SSH1: variants seen among roughly 807,000 people sequenced by gnomAD.
The protein encoded by SSH1 is slingshot protein phosphatase 1.
In SSH1, 43 loss-of-function variants were observed where a neutral mutation model predicts 79.7. The observed-to-expected ratio is 0.54, with a 90% CI of 0.42 to 0.70. SSH1 has a LOEUF of 0.70. Among genes scored for constraint, SSH1 ranks in the 30% least tolerant of loss-of-function variants. SSH1 has a pLI of 0.00. For missense variants in SSH1, 1,206 were observed against 1,358.8 expected (o/e 0.89, Z 1.77); for synonymous variants, 599 against 538.3 (o/e 1.11, Z -1.56).
Position 108,788,127 on chromosome 12 carries a change from G to T in SSH1, c.3011C>A (p.Ser1004Tyr), listed in dbSNP as rs745789883. 8 of 1,614,082 alleles carry T rather than the reference G, an allele frequency of 5.0e-6. No individual in the cohort carries two copies. The highest frequency in any genetic ancestry group is 1.1e-5 in the South Asian group (1 of 91,068). The change falls in exon 15 of 15, where the codon TCC becomes TAC. Residue 1004 changes from serine to tyrosine, a missense_variant. This residue lies in a region of SSH1 where 709 missense variants were observed against 730.6 expected (regional missense o/e 0.97). Transcript: ENST00000326495. Reference sequence around the variant, plus strand: ...AGATTCACTCAAAGTGGTGTCCTGGGAGTCAGCGACGGTGGACGGGTCAGC... The same window carrying T: ...AGATTCACTCAAAGTGGTGTCCTGGTAGTCAGCGACGGTGGACGGGTCAGC... ...SEADPSTVAD[S>Y]QDTTLSESSF...
chr12:108,821,236 C>CACACAA (rs1025876080), intron 3 of SSH1, among the ~76,000 whole-genome samples: 5 of 151,822 alleles, frequency 3.3e-5, no homozygotes, highest in African/African-American at 1.2e-4. Flanking sequence ...CACACACACA[C>CACACAA]ACACACAACT....
rs1460906848 is a variant in SSH1 at position 108,792,811 on chromosome 12, CTTG to C, written c.1365_1367del (p.Asn455del). The C allele has an allele frequency of 1.9e-6, 3 of 1,613,644 alleles. No homozygotes were observed. The highest frequency in any genetic ancestry group is 2.2e-5 in the East Asian group (1 of 44,886). ...TGCTGTCTGTCTGCTGACGCCACAG[CTTG>C]TTGTGCCGCTGTTTGCTGCGGGGAG... On this transcript the variant is annotated inframe_deletion, in exon 14 of 15. Coordinates refer to ENST00000326495, the MANE Select transcript of SSH1 (RefSeq NM_018984.4).
At position 108,795,263 on chromosome 12, in the gene SSH1, T is replaced by A. The variant is rs190930006; in HGVS notation, c.1350-2434A>T. ...TATTGGGTGGGTATTCTTTAAAAAC[T>A]TTTTTTTTTTTGGAGGTGAAGTCTC... On this transcript the variant is annotated intron_variant, in intron 13 of 14. Transcript: ENST00000326495. Among the ~76,000 whole-genome samples the A allele has an allele frequency of 6.2e-3, 904 of 145,400 alleles. 5 individuals are homozygous for A. Among genetic ancestry groups the A allele is most frequent in the Non-Finnish European group, 9.6e-3 (626 of 65,510 alleles).
chr12:108,831,200 A>G (rs2038464457), intron 2 of SSH1, among the ~76,000 whole-genome samples: 1 of 152,192 alleles, frequency 6.6e-6, no homozygotes, highest in Non-Finnish European at 1.5e-5. Context: ...GACAAACGGA[A>G]TCACTTTTCC....
At chr12:108,825,589 T>A (rs2038280638) in intron 2 of SSH1, among the ~76,000 whole-genome samples, 1 of 152,190 alleles carries the variant, frequency 6.6e-6, no homozygotes. Context: ...GGCAATTGGT[T>A]TTCGATATCT....
At chr12:108,795,022 T>A (rs550552027) in intron 13 of SSH1, among the ~76,000 whole-genome samples, 2 of 152,194 alleles carry the variant, frequency 1.3e-5, no homozygotes, top group Non-Finnish European at 2.9e-5. Flanking sequence ...CTCTTCCCCC[T>A]ACCCCGCTTC....
intron 5 of SSH1, among the ~76,000 whole-genome samples, chr12:108,814,786 G>A (rs1051389514): frequency 2.6e-5 from 4 of 152,246 alleles, no homozygotes; most frequent in South Asian, 2.1e-4. Flanking sequence ...ACCACAGGGA[G>A]AGGGACCTGG....
intron 2 of SSH1, among the ~76,000 whole-genome samples, chr12:108,842,012 C>T (rs2038790314): frequency 1.3e-5 from 2 of 151,964 alleles, no homozygotes; most frequent in South Asian, 4.2e-4. Flanking sequence ...ACCTGTGGTC[C>T]CAGCTACTTG....
intron 1 of SSH1, chr12:108,852,964 A>C: frequency 2.0e-6 from 2 of 985,410 alleles, no homozygotes; most frequent in Non-Finnish European, 1.2e-6. Flanking sequence ...GTTACCCAGC[A>C]CGGTCTTTTA....
At chr12:108,852,279 A>G (rs965466955) in intron 2 of SSH1, among the ~76,000 whole-genome samples, 1 of 148,446 alleles carries the variant, frequency 6.7e-6, no homozygotes, top group African/African-American at 2.5e-5. Flanking sequence ...CTCTGTCGCC[A>G]GGCTGGAGTG....
Position 108,792,410 on chromosome 12 carries a change from G to T in SSH1, c.1769C>A (p.Thr590Lys). ...TGCTCCCAGGCCCTCCTCCCTTTCC[G>T]TCTCCTCCACCTGCAGCAAGGAGCC... Reference protein sequence around the residue: ...RSGSLLQVEETEREEGLGAGR... With the variant: ...RSGSLLQVEEKEREEGLGAGR... Residue 590 changes from threonine (T) to lysine (K), a missense_variant, in exon 14 of 15, where the codon ACG becomes AAG. This residue lies in a region of SSH1 where 709 missense variants were observed against 730.6 expected (regional missense o/e 0.97). Transcript: ENST00000326495. 1 of 1,614,096 alleles carries T rather than the reference G, an allele frequency of 6.2e-7. No homozygotes were observed. The highest frequency in any genetic ancestry group is 8.5e-7 in the Non-Finnish European group (1 of 1,180,024).
chr12:108,792,079 A>C, intron 14 of SSH1: 2 of 1,459,378 alleles, frequency 1.4e-6, no homozygotes. Context: ...TAAGGTATGC[A>C]CTACGTACCC....
At chr12:108,832,655 C>A (rs940927141) in intron 2 of SSH1, among the ~76,000 whole-genome samples, 2 of 152,210 alleles carry the variant, frequency 1.3e-5, no homozygotes, top group Admixed American at 6.5e-5. Context: ...ATGGAAAATT[C>A]TTTCCATGGT....
intron 10 of SSH1, among the ~76,000 whole-genome samples, chr12:108,804,586 C>T (rs1372130673): frequency 2.6e-5 from 4 of 152,220 alleles, no homozygotes; most frequent in South Asian, 2.1e-4. Flanking sequence ...ACAAGCTCAG[C>T]GGGAGCTCCG....
chr12:108,797,000 C>T (rs2036779624), intron 13 of SSH1, among the ~76,000 whole-genome samples: 1 of 152,128 alleles, frequency 6.6e-6, no homozygotes, highest in African/African-American at 2.4e-5. Context: ...CCTGGGTCTC[C>T]CAAAGTACTG....
intron 5 of SSH1, among the ~76,000 whole-genome samples, chr12:108,812,438 C>T (rs1013697997): frequency 1.3e-5 from 2 of 152,212 alleles, no homozygotes; most frequent in East Asian, 1.9e-4. Flanking sequence ...CCCTGACAAC[C>T]CTCACCAGGA....
At position 108,857,084 on chromosome 12, in the gene SSH1, G is replaced by T. The variant is rs1311051723; in HGVS notation, c.69+344C>A. Among the ~76,000 whole-genome samples, 1 of 152,174 alleles carries T rather than the reference G, an allele frequency of 6.6e-6. No homozygotes were observed. Among genetic ancestry groups the T allele is most frequent in the Non-Finnish European group, 1.5e-5 (1 of 68,028 alleles). On this transcript the variant is annotated intron_variant, in intron 1 of 14. Transcript: ENST00000326495. The surrounding 1 kb of genome is among the most constrained non-coding windows in gnomAD (Gnocchi z 4.7). ...CGCACACAGTCTCCGCCTAACAGGG[G>T]TCACCCCAAGATGGGGGTAACCCCC...
intron 11 of SSH1, among the ~76,000 whole-genome samples, chr12:108,801,631 A>G (rs1366039182): frequency 2.0e-5 from 3 of 152,132 alleles, no homozygotes; most frequent in African/African-American, 7.2e-5. Flanking sequence ...CGGTAGTTCT[A>G]AAGATGTATT....
At chr12:108,821,754 A>T (rs2038129215) in intron 3 of SSH1, among the ~76,000 whole-genome samples, 1 of 152,196 alleles carries the variant, frequency 6.6e-6, no homozygotes, top group Non-Finnish European at 1.5e-5. Flanking sequence ...ACAGACCTAA[A>T]TATCATCAAC....
Sources: allele counts gnomAD v4.1 joint callset (sites outside exome capture counted in the v4.1 genomes callset), GRCh38; gene constraint gnomAD v4.1.1; regional missense constraint gnomAD v4.1.1; non-coding constraint Gnocchi (gnomAD v3.1); transcripts MANE v1.5; gene names NCBI Gene and HGNC (gene_info 2026-07-23, HGNC 2026-07-21).